Variants in ACSL3 observed in about 807,000 individuals in gnomAD.
ACSL3 encodes the protein fatty acid CoA ligase Acsl3.
Under a neutral mutation model 84.7 loss-of-function variants are expected in ACSL3, and 34 were observed. That is an observed-to-expected ratio of 0.40 (90% confidence interval 0.31 to 0.53). The LOEUF (loss-of-function observed/expected upper bound fraction) is 0.53, where lower values mean the gene tolerates loss of function less well. Ranked by LOEUF, ACSL3 falls within the 20% of genes least tolerant of loss-of-function variation. The probability of loss-of-function intolerance (pLI) is 0.48; values close to 1 mark genes in which losing one functional copy is unlikely to be tolerated. For missense variants in ACSL3, 680 were observed against 873.1 expected, an observed-to-expected ratio of 0.78 and a Z score of 2.79; for synonymous variants, 315 against 299.4, an observed-to-expected ratio of 1.05 and a Z score of -0.54.
intron 1 of ACSL3, among the ~76,000 whole-genome samples, chr2:222,878,444 T>C (rs1361987215): frequency 2.0e-5 from 3 of 152,248 alleles, no homozygotes; most frequent in Non-Finnish European, 2.9e-5. Flanking sequence ...TATCGCCTTC[T>C]CTGCAGCCTT....
intron 1 of ACSL3, among the ~76,000 whole-genome samples, chr2:222,887,093 C>T (rs1194266073): frequency 6.6e-6 from 1 of 152,252 alleles, no homozygotes; most frequent in African/African-American, 2.4e-5. Context: ...CTCCTCTGTG[C>T]TCTAACCTCT....
rs542763127 is a variant in ACSL3, at chr2:222,929,107, A to G, written c.1540+171A>G. On this transcript the variant is annotated intron_variant, in intron 13 of 16. Transcript: ENST00000357430. The stretch of plus-strand genomic sequence containing the variant: ...TGAATGCATTTATTTTTCTTGTTTC[A>G]AAGATGTTTCTGAAGAACTATTATT... 4.6e-5 allele frequency among the ~76,000 whole-genome samples: 7 copies of G among 152,288 alleles called. No individual in the cohort carries two copies. In the South Asian group the frequency reaches 1.0e-3, roughly 23 times the overall value.
At chr2:222,919,267 C>T in intron 7 of ACSL3, 65 bp downstream of exon 7, 2 of 1,566,242 alleles carry the variant, frequency 1.3e-6, no homozygotes, top group Non-Finnish European at 1.7e-6. Flanking sequence ...AGAATTATGC[C>T]AAAGTTTTGA....
chr2:222,876,151 A>G (rs1695441847), intron 1 of ACSL3, among the ~76,000 whole-genome samples: 1 of 152,202 alleles, frequency 6.6e-6, no homozygotes, highest in South Asian at 2.1e-4. Flanking sequence ...CACCAGTATA[A>G]AAGTATTGGG....
At chr2:222,934,105 T>C (rs1053259994) in intron 15 of ACSL3, among the ~76,000 whole-genome samples, 7 of 152,168 alleles carry the variant, frequency 4.6e-5, no homozygotes, top group Admixed American at 3.9e-4. Context: ...AAAAAAAGAA[T>C]ATATTCACAT....
intron 7 of ACSL3, among the ~76,000 whole-genome samples, chr2:222,919,536 T>TACCTGTAAGTGTTAACAGAGTGG (rs1696675424): frequency 6.6e-6 from 1 of 152,240 alleles, no homozygotes; most frequent in East Asian, 1.9e-4. Context: ...CTATGTGAAT[T>TACCTGTAAGTGTTAACAGAGTGG]ACCTGTAAGT....
At chr2:222,864,926 A>G (rs1429255611) in intron 1 of ACSL3, among the ~76,000 whole-genome samples, 2 of 152,214 alleles carry the variant, frequency 1.3e-5, no homozygotes, top group African/African-American at 4.8e-5. Flanking sequence ...AAATTTCTAA[A>G]AATTAGCCCA....
chr2:222,865,956 C>T (rs766737097), intron 1 of ACSL3, among the ~76,000 whole-genome samples: 1 of 152,194 alleles, frequency 6.6e-6, no homozygotes, highest in Non-Finnish European at 1.5e-5. Context: ...TTTCCCCTGT[C>T]CTGTCATGGT....
At chr2:222,919,242 G>A (rs1574555263) in intron 7 of ACSL3, 40 bp downstream of exon 7, 1 of 1,603,198 alleles carries the variant, frequency 6.2e-7, no homozygotes, top group South Asian at 1.1e-5. Flanking sequence ...GTGCTTTCTG[G>A]TGACCACATT....
chr2:222,891,011 G>C (rs1014472553), intron 2 of ACSL3, among the ~76,000 whole-genome samples: 1 of 152,182 alleles, frequency 6.6e-6, no homozygotes, highest in African/African-American at 2.4e-5. Flanking sequence ...AAATTAGGCT[G>C]TCTGTTCACT....
intron 6 of ACSL3, 135 bp from the exon 7 acceptor site, chr2:222,918,929 G>A: frequency 4.2e-6 from 4 of 946,804 alleles, no homozygotes; most frequent in Non-Finnish European, 6.2e-6. Flanking sequence ...GTGATATTAT[G>A]CCAGTGTACC....
At chr2:222,919,819 T>C (rs907657034) in intron 7 of ACSL3, among the ~76,000 whole-genome samples, 1 of 152,232 alleles carries the variant, frequency 6.6e-6, no homozygotes, top group African/African-American at 2.4e-5. Context: ...TTTAGGCACC[T>C]GGAATTTGAG....
chr2:222,910,558 G>T (rs1030558225), intron 4 of ACSL3, among the ~76,000 whole-genome samples: 1 of 152,062 alleles, frequency 6.6e-6, no homozygotes. Context: ...CTCTATATAT[G>T]GCCCATTAAT....
At chr2:222,916,571 T>C (rs1283578451) in intron 5 of ACSL3, 75 bp downstream of exon 5, 6 of 1,405,880 alleles carry the variant, frequency 4.3e-6, no homozygotes, top group African/African-American at 1.4e-5. Flanking sequence ...CTGAAGAGGT[T>C]AAAATTCTGA....
At chr2:222,876,552 A>G (rs1574519376) in intron 1 of ACSL3, among the ~76,000 whole-genome samples, 1 of 151,724 alleles carries the variant, frequency 6.6e-6, no homozygotes, top group South Asian at 2.1e-4. Flanking sequence ...GAACGCCTGG[A>G]CTCAGGCATT....
intron 1 of ACSL3, chr2:222,861,460 G>A (rs2106074364): frequency 6.6e-6 from 1 of 152,276 alleles, no homozygotes; most frequent in East Asian, 1.9e-4. Context: ...GGCCCGCTGG[G>A]GTCCGGGAAG....
intron 2 of ACSL3, among the ~76,000 whole-genome samples, chr2:222,892,088 G>C (rs1321047002): frequency 2.6e-5 from 4 of 152,198 alleles, no homozygotes; most frequent in African/African-American, 7.2e-5. Flanking sequence ...TTGCAACTGT[G>C]TGGGCATAGT....
At chr2:222,874,633 C>T (rs1018246868) in intron 1 of ACSL3, among the ~76,000 whole-genome samples, 2 of 151,558 alleles carry the variant, frequency 1.3e-5, no homozygotes, top group Admixed American at 6.6e-5. Flanking sequence ...TGTGATCAAG[C>T]CACTGCACTC....
Position 222,942,618 on chromosome 2 carries a change from T to G in ACSL3, c.*964T>G. 1 of 199,942 alleles carries G rather than the reference T, an allele frequency of 5.0e-6. No homozygotes were observed. The highest frequency in any genetic ancestry group is 8.0e-5 in the East Asian group (1 of 12,466). The allele number at this position is 199,942 out of a possible 1,614,324, so 12.4% of individuals were successfully genotyped here. Reference sequence around the variant, plus strand: ...AATTATTCTATCTCAAAGTCTCCTTTTAGTCTAGATAATCATTATTTCATT... The same window carrying G: ...AATTATTCTATCTCAAAGTCTCCTTGTAGTCTAGATAATCATTATTTCATT... On this transcript the variant is annotated 3_prime_UTR_variant, in exon 17 of 17. Transcript: ENST00000357430.
Sources: gnomAD v4.1 joint callset for allele counts (sites outside exome capture counted in the v4.1 genomes callset) on GRCh38, gnomAD v4.1.1 for gene constraint, MANE v1.5 for transcripts, NCBI Gene and HGNC (gene_info 2026-07-23, HGNC 2026-07-21) for gene names.